The following AGTPBP1 variants were observed in gnomAD, a reference collection of about 807,000 sequenced individuals.
AGTPBP1 encodes the protein cytosolic carboxypeptidase 1.
Under a neutral mutation model 143.9 loss-of-function variants are expected in AGTPBP1, and 70 were observed. The observed-to-expected ratio is 0.49, with a 90% CI of 0.40 to 0.59. AGTPBP1 has a LOEUF of 0.59. Among genes scored for constraint, AGTPBP1 ranks in the 20% least tolerant of loss-of-function variants. The pLI, the probability that AGTPBP1 is intolerant of heterozygous loss-of-function variation, is 0.00. For synonymous variants in AGTPBP1, 463 were observed against 500.2 expected (o/e 0.93, Z 0.99); for missense variants, 1,229 against 1,464.5 (o/e 0.84, Z 2.62).
chr9:85,724,827 G>A (rs188137007), intron 1 of AGTPBP1, among the ~76,000 whole-genome samples: 2 of 152,286 alleles, frequency 1.3e-5, no homozygotes, highest in Non-Finnish European at 2.9e-5. Flanking sequence ...AAGAATGCCA[G>A]CACATTGCAG....
At chr9:85,682,543 A>T (rs532547500) in intron 3 of AGTPBP1, among the ~76,000 whole-genome samples, 1 of 152,340 alleles carries the variant, frequency 6.6e-6, no homozygotes, top group South Asian at 2.1e-4. Flanking sequence ...CCTGAATACT[A>T]ATGCCAGAAA....
In AGTPBP1 at chr9:85,681,343, G is replaced by A; in HGVS notation, c.158-8C>T. ...TTTCTCTCCTTGTTTTTTCTGAAAA[G>A]TAGCAAACAATTTTTTTCTCAAACA... On this transcript the variant is annotated splice_polypyrimidine_tract_variant and splice_region_variant and intron_variant, in intron 3 of 25. Coordinates refer to ENST00000357081, the MANE Select transcript of AGTPBP1 (RefSeq NM_001330701.2). The A allele has an allele frequency of 1.2e-6, 2 of 1,608,892 alleles. No homozygotes were observed. Among genetic ancestry groups the A allele is most frequent in the South Asian group, 2.2e-5 (2 of 89,778 alleles).
intron 2 of AGTPBP1, among the ~76,000 whole-genome samples, chr9:85,700,755 T>C (rs1470363514): frequency 3.9e-5 from 6 of 152,168 alleles, no homozygotes; most frequent in Admixed American, 2.0e-4. Context: ...AAGTCACATA[T>C]TCAGGAAAAG....
chr9:85,762,008 A>G, the AGTPBP1 span, among the ~76,000 whole-genome samples: 1 of 152,260 alleles, frequency 6.6e-6, no homozygotes, highest in South Asian at 2.1e-4. Flanking sequence ...CAGCCAACAG[A>G]CACATGAAAA....
chr9:85,804,435 AT>A, the AGTPBP1 span, among the ~76,000 whole-genome samples: 3 of 152,074 alleles, frequency 2.0e-5, no homozygotes, highest in Non-Finnish European at 4.4e-5. Flanking sequence ...CGGTTCTTTG[AT>A]TCCCGGCAGT....
At chr9:85,673,036 A>G (rs1286400131) in intron 6 of AGTPBP1, among the ~76,000 whole-genome samples, 1 of 152,132 alleles carries the variant, frequency 6.6e-6, no homozygotes, top group Non-Finnish European at 1.5e-5. Flanking sequence ...TGCCTGGCCC[A>G]CATGTAAGTT....
chr9:85,757,859 T>G, the AGTPBP1 span, among the ~76,000 whole-genome samples: 1 of 152,198 alleles, frequency 6.6e-6, no homozygotes, highest in Admixed American at 6.5e-5. Context: ...CGATTTATTT[T>G]CTGAAGATTG....
the AGTPBP1 span, chr9:85,753,216 C>CA: frequency 3.3e-6 from 5 of 1,514,420 alleles, no homozygotes; most frequent in East Asian, 4.9e-5. Context: ...ATCTTGTCTC[C>CA]AAAAAAAGAA....
At chr9:85,752,165 G>T in the AGTPBP1 span, among the ~76,000 whole-genome samples, 14 of 152,174 alleles carry the variant, frequency 9.2e-5, no homozygotes, top group African/African-American at 2.9e-4. Flanking sequence ...TGAAACCCGG[G>T]AGGCGGAGGT....
Position 85,681,331 on chromosome 9 carries a change from T to G in AGTPBP1, c.162A>C (p.Lys54Asn). Residue 54 changes from lysine (K) to asparagine (N), a missense_variant, in exon 4 of 26, where the codon AAA (lysine) becomes AAC (asparagine). Around this residue, in one of 2 missense-constraint regions of AGTPBP1, gnomAD observed 743 missense variants for 812.2 expected, o/e 0.91. Transcript: ENST00000357081. ...CTTTGGCTGTCATTTCTCTCCTTGT[T>G]TTTTCTGAAAAGTAGCAAACAATTT... ...KILHLAQSQE[K>N]TRREMTAKGS... The G allele has an allele frequency of 6.2e-7, 1 of 1,611,508 alleles. No individual in the cohort carries two copies. Among genetic ancestry groups the G allele is most frequent in the Non-Finnish European group, 8.5e-7 (1 of 1,179,460 alleles).
chr9:85,565,773 T>C (rs1046909394), intron 25 of AGTPBP1, among the ~76,000 whole-genome samples: 1 of 152,206 alleles, frequency 6.6e-6, no homozygotes, highest in Non-Finnish European at 1.5e-5. Context: ...CATTGCCCCT[T>C]ATCCTCACTA....
intron 2 of AGTPBP1, among the ~76,000 whole-genome samples, chr9:85,707,981 G>T (rs887210175): frequency 6.6e-6 from 1 of 152,064 alleles, no homozygotes. Context: ...GTTGATGGGT[G>T]TAACAAACCA....
chr9:85,672,078 T>C (rs927704805), intron 7 of AGTPBP1, among the ~76,000 whole-genome samples: 1 of 152,122 alleles, frequency 6.6e-6, no homozygotes, highest in African/African-American at 2.4e-5. Flanking sequence ...TAACCTTTTT[T>C]TTTTTTGGTT....
At chr9:85,727,527 T>C (rs920142173) in intron 1 of AGTPBP1, among the ~76,000 whole-genome samples, 16 of 152,184 alleles carry the variant, frequency 1.1e-4, no homozygotes, top group Non-Finnish European at 5.9e-5. Context: ...ATAAATCTAC[T>C]ACATACAGAA....
At chr9:85,662,340 C>T (rs1481472102) in intron 8 of AGTPBP1, among the ~76,000 whole-genome samples, 2 of 152,054 alleles carry the variant, frequency 1.3e-5, no homozygotes, top group East Asian at 3.8e-4. Context: ...AAATTCATAC[C>T]TGTAACTTCC....
chr9:85,596,435 T>G lies in AGTPBP1; in HGVS notation c.2350A>C (p.Met784Leu). The change falls in exon 18 of 26, where the codon ATG (methionine) becomes CTG (leucine). Residue 784 changes from methionine (M) to leucine (L), a missense_variant. Coordinates refer to ENST00000357081, the MANE Select transcript of AGTPBP1 (RefSeq NM_001330701.2). ...SQFNYGMQPL[M>L]YSVQEALNAR... is the part of the protein sequence containing the mutation. ...TTTAATGCTTCCTGAACCGAATACA[T>G]GAGTGGTTGCATACCTTTGAAAGAG... 2 of 1,605,066 alleles carry G rather than the reference T, an allele frequency of 1.2e-6. No individual in the cohort carries two copies. Among genetic ancestry groups the G allele is most frequent in the Non-Finnish European group, 1.7e-6 (2 of 1,175,744 alleles).
chr9:85,657,760 C>G, intron 9 of AGTPBP1, 117 bp from the exon 10 acceptor site: 2 of 650,086 alleles, frequency 3.1e-6, no homozygotes, highest in Non-Finnish European at 4.8e-6. Context: ...TTCTTTTTTC[C>G]AAAACAAATG....
chr9:85,726,351 T>C (rs1419909911), intron 1 of AGTPBP1, among the ~76,000 whole-genome samples: 1 of 152,262 alleles, frequency 6.6e-6, no homozygotes, highest in African/African-American at 2.4e-5. Context: ...ACAATGGAGT[T>C]ATATCATGAA....
intron 25 of AGTPBP1, among the ~76,000 whole-genome samples, chr9:85,562,336 T>C (rs536943465): frequency 1.4e-4 from 22 of 152,130 alleles, no homozygotes; most frequent in South Asian, 4.1e-4. Flanking sequence ...GTGAACTAAA[T>C]GCTCTGATAA....
Sources: gnomAD v4.1 joint callset for allele counts (sites outside exome capture counted in the v4.1 genomes callset) on GRCh38, gnomAD v4.1.1 for gene constraint, gnomAD v4.1.1 regional missense constraint, MANE v1.5 for transcripts, NCBI Gene and HGNC (gene_info 2026-07-23, HGNC 2026-07-21) for gene names.